The following CTNNA3 variants were observed in gnomAD, a reference collection of about 807,000 sequenced individuals.
CTNNA3 encodes the protein catenin alpha 3, also known as catenin alpha-3.
A neutral mutation model predicts 95.7 loss-of-function variants in CTNNA3; 76 were observed. The observed-to-expected ratio is 0.79, with a 90% confidence interval of 0.66 to 0.96. The LOEUF (loss-of-function observed/expected upper bound fraction) is 0.96, where lower values mean the gene tolerates loss of function less well. CTNNA3 is among the 40% of genes least tolerant of loss of function. The probability of loss-of-function intolerance (pLI) is 0.00; values close to 1 mark genes in which losing one functional copy is unlikely to be tolerated. For synonymous variants in CTNNA3, 431 were observed against 374.4 expected (o/e 1.15, Z -1.74); for missense variants, 1,191 against 1,089.8 (o/e 1.09, Z -1.31).
rs112394583 is a variant in CTNNA3, at chr10:66,811,850, T to C, written c.1048-36326A>G. ...GACAGACCTTCTGAATCAGATTGCCTGTTTATATCTCTGATAGCAGAGCAC... is the reference window on the plus strand; with the variant it reads ...GACAGACCTTCTGAATCAGATTGCCCGTTTATATCTCTGATAGCAGAGCAC... On this transcript the variant is annotated intron_variant, in intron 7 of 17. Transcript: ENST00000433211. 6.0e-3 allele frequency among the ~76,000 whole-genome samples: 910 copies of C among 152,332 alleles called. 9 individuals are homozygous for C. The highest frequency in any genetic ancestry group is 0.02 in the African/African-American group (851 of 41,566).
At chr10:65,922,796 C>T (rs1308219688) in intron 17 of CTNNA3, among the ~76,000 whole-genome samples, 1 of 152,086 alleles carries the variant, frequency 6.6e-6, no homozygotes, top group Non-Finnish European at 1.5e-5. Flanking sequence ...TACAAAGATA[C>T]TACCCGAGAC....
At chr10:66,128,329 T>C (rs1485942967) in intron 13 of CTNNA3, among the ~76,000 whole-genome samples, 1 of 152,114 alleles carries the variant, frequency 6.6e-6, no homozygotes, top group Non-Finnish European at 1.5e-5. Flanking sequence ...CAGGTCCACA[T>C]AAAAACCTGC....
At chr10:66,685,160 CGT>C (rs1564616906) in intron 9 of CTNNA3, among the ~76,000 whole-genome samples, 1 of 129,222 alleles carries the variant, frequency 7.7e-6, no homozygotes, top group Non-Finnish European at 1.6e-5. Context: ...TATATATACA[CGT>C]ATATATATAT....
chr10:66,203,332 T>C (rs1387045013), intron 13 of CTNNA3, among the ~76,000 whole-genome samples: 1 of 152,088 alleles, frequency 6.6e-6, no homozygotes, highest in Non-Finnish European at 1.5e-5. Flanking sequence ...AAGTATAAAC[T>C]AACAGCCATA....
chr10:66,905,684 C>A (rs1257518050), intron 7 of CTNNA3, among the ~76,000 whole-genome samples: 1 of 151,944 alleles, frequency 6.6e-6, no homozygotes, highest in Non-Finnish European at 1.5e-5. Context: ...TAGTGTTTGG[C>A]CTAAAAACAG....
intron 10 of CTNNA3, among the ~76,000 whole-genome samples, chr10:66,538,806 G>T (rs535925794): frequency 6.6e-6 from 1 of 152,218 alleles, no homozygotes; most frequent in Non-Finnish European, 1.5e-5. Context: ...TTCTATCCTA[G>T]CTAGAGATTC....
Position 66,927,502 on chromosome 10 carries a change from T to G in CTNNA3, c.1048-151978A>C, listed in dbSNP as rs1564772181. The stretch of plus-strand genomic sequence containing the variant: ...CCTGGGATATAACCGGATCCGAAGT[T>G]TAGCCAGGAATGTCTTTGCTGGCAT... On this transcript the variant is annotated intron_variant, in intron 7 of 17. Coordinates refer to ENST00000433211, the MANE Select transcript of CTNNA3 (RefSeq NM_013266.4). This position sits in a 1 kb window ranked among gnomAD's most constrained non-coding sequence, Gnocchi z 4.7. The G allele has an allele frequency of 6.2e-7, 1 of 1,614,120 alleles. No individual in the cohort carries two copies. The highest frequency in any genetic ancestry group is 2.2e-5 in the East Asian group (1 of 44,868).
chr10:67,284,674 A>T lies in CTNNA3; in HGVS notation c.580-64804T>A, dbSNP rs1208112133. 2.0e-5 allele frequency among the ~76,000 whole-genome samples: 3 copies of T among 152,226 alleles called. No individual in the cohort carries two copies. The East Asian group carries it at 5.8e-4, about 29-fold the overall frequency. On this transcript the variant is annotated intron_variant, in intron 5 of 17. Transcript: ENST00000433211. ...TAAGCCAATTGATGGCTATAAAGTA[A>T]TCAGGGTAATATTTGCACTTGGATC...
intron 9 of CTNNA3, among the ~76,000 whole-genome samples, chr10:66,628,863 A>ATAGT (rs1845033170): frequency 6.6e-6 from 1 of 152,126 alleles, no homozygotes; most frequent in African/African-American, 2.4e-5. Context: ...TAAACTACAT[A>ATAGT]TAGTTAGATG....
intron 13 of CTNNA3, among the ~76,000 whole-genome samples, chr10:66,198,471 CAT>C (rs928705444): frequency 6.6e-6 from 1 of 152,004 alleles, no homozygotes; most frequent in African/African-American, 2.4e-5. Context: ...AAAATAAAAA[CAT>C]AGATGAGTAT....
intron 1 of CTNNA3, among the ~76,000 whole-genome samples, chr10:67,726,818 ATATC>A (rs1448604651): frequency 1.8e-5 from 2 of 112,456 alleles, no homozygotes; most frequent in African/African-American, 3.7e-5. Context: ...TATATTATAG[ATATC>A]TATGTATCAT....
intron 11 of CTNNA3, among the ~76,000 whole-genome samples, chr10:66,443,686 T>C (rs1382273513): frequency 1.3e-5 from 2 of 151,862 alleles, no homozygotes; most frequent in African/African-American, 2.4e-5. Flanking sequence ...GTTGCCATCA[T>C]CAAAGACCAA....
intron 5 of CTNNA3, among the ~76,000 whole-genome samples, chr10:67,386,802 T>A (rs1844186961): frequency 6.6e-6 from 1 of 152,198 alleles, no homozygotes; most frequent in Non-Finnish European, 1.5e-5. Flanking sequence ...ATTACATGAC[T>A]GATAATTACC....
chr10:65,973,395 C>T (rs537333894), intron 16 of CTNNA3, among the ~76,000 whole-genome samples: 5 of 152,194 alleles, frequency 3.3e-5, no homozygotes, highest in African/African-American at 9.6e-5. Context: ...AAACTATCAA[C>T]AGAGTACATA....
Position 67,280,339 on chromosome 10 carries a change from T to C in CTNNA3, c.580-60469A>G, listed in dbSNP as rs148822136. Among the ~76,000 whole-genome samples the C allele has an allele frequency of 1.2e-3, 185 of 150,502 alleles. 7 individuals are homozygous for C. The highest frequency in any genetic ancestry group is 4.5e-3 in the African/African-American group (181 of 40,656). ...AAATAGTGTCTGTCTCTAAAGCTCA[T>C]TCAAATGCCAAAGAGAACCATTTAC... On this transcript the variant is annotated intron_variant, in intron 5 of 17. Coordinates refer to ENST00000433211, the MANE Select transcript of CTNNA3 (RefSeq NM_013266.4).
At chr10:67,552,548 G>A (rs756629111) in intron 3 of CTNNA3, among the ~76,000 whole-genome samples, 2 of 151,882 alleles carry the variant, frequency 1.3e-5, no homozygotes, top group Non-Finnish European at 2.9e-5. Context: ...CAGGACTGGG[G>A]AGTGGCAGGC....
At chr10:67,591,508 T>C (rs188141924) in intron 3 of CTNNA3, among the ~76,000 whole-genome samples, 96 of 152,192 alleles carry the variant, frequency 6.3e-4, no homozygotes, top group African/African-American at 2.1e-3. Context: ...TGTAAAAACA[T>C]ATTAAGTGGA....
intron 5 of CTNNA3, among the ~76,000 whole-genome samples, chr10:67,321,965 T>C (rs971641729): frequency 6.6e-5 from 10 of 152,226 alleles, no homozygotes; most frequent in Middle Eastern, 3.4e-3. Flanking sequence ...ACACCCCACA[T>C]TGAATCCATC....
intron 4 of CTNNA3, among the ~76,000 whole-genome samples, chr10:67,532,758 G>A (rs1840369779): frequency 6.6e-6 from 1 of 152,156 alleles, no homozygotes; most frequent in Non-Finnish European, 1.5e-5. Flanking sequence ...ACCAGTTCTT[G>A]CCAAGTAATT....
Sources: gnomAD v4.1 joint callset for allele counts (sites outside exome capture counted in the v4.1 genomes callset) on GRCh38, gnomAD v4.1.1 for gene constraint, Gnocchi (gnomAD v3.1) non-coding constraint, MANE v1.5 for transcripts, NCBI Gene and HGNC (gene_info 2026-07-23, HGNC 2026-07-21) for gene names.